The following STARD13 variants were observed in gnomAD, a reference collection of about 807,000 sequenced individuals.
STARD13 encodes StAR related lipid transfer domain containing 13, also known as stAR-related lipid transfer protein 13.
A neutral mutation model predicts 106.4 loss-of-function variants in STARD13; 62 were observed. That is an observed-to-expected ratio of 0.58 (90% CI 0.48 to 0.72). STARD13 has a LOEUF of 0.72. Among genes scored for constraint, STARD13 ranks in the 30% least tolerant of loss-of-function variants. STARD13 has a pLI of 0.00. For missense variants in STARD13, 1,387 were observed against 1,424.0 expected, an observed-to-expected ratio of 0.97 and a Z score of 0.42; for synonymous variants, 565 against 553.0, an observed-to-expected ratio of 1.02 and a Z score of -0.31.
At chr13:33,432,196 G>C in the STARD13 span, among the ~76,000 whole-genome samples, 10 of 152,124 alleles carry the variant, frequency 6.6e-5, no homozygotes, top group Non-Finnish European at 1.5e-4. Flanking sequence ...GAGGAGAAAA[G>C]AGGACCCACA....
chr13:33,190,013 T>C (rs769343585), intron 1 of STARD13, among the ~76,000 whole-genome samples: 2 of 152,098 alleles, frequency 1.3e-5, no homozygotes, highest in African/African-American at 2.4e-5. Flanking sequence ...AACAACTTTC[T>C]CATTATACTA....
the STARD13 span, among the ~76,000 whole-genome samples, chr13:33,546,623 T>C: frequency 6.6e-6 from 1 of 151,956 alleles, no homozygotes; most frequent in South Asian, 2.1e-4. Flanking sequence ...ATGAGCTAAA[T>C]TTATTTATTA....
chr13:33,560,337 A>G, the STARD13 span, among the ~76,000 whole-genome samples: 2 of 151,670 alleles, frequency 1.3e-5, no homozygotes, highest in African/African-American at 2.4e-5. Context: ...AAAAAGTTAA[A>G]CTGTCCTTAT....
chr13:33,602,342 T>C, the STARD13 span, among the ~76,000 whole-genome samples: 2,411 of 152,236 alleles, frequency 0.016, 78 homozygotes, highest in African/African-American at 0.055. Context: ...CCGCCTGCCT[T>C]GGCCTCCCAA....
chr13:33,106,444 ACT>A (rs1444348878), intron 13 of STARD13, among the ~76,000 whole-genome samples: 4 of 152,218 alleles, frequency 2.6e-5, no homozygotes, highest in African/African-American at 9.6e-5. Context: ...AGAGAGGGAA[ACT>A]CTGATTTACT....
At chr13:33,600,908 C>T in the STARD13 span, among the ~76,000 whole-genome samples, 2 of 152,114 alleles carry the variant, frequency 1.3e-5, no homozygotes, top group Non-Finnish European at 2.9e-5. Context: ...TGTTTGCTAT[C>T]TTCTCCTACG....
At chr13:33,108,263 G>A (rs1023607866) in intron 12 of STARD13, among the ~76,000 whole-genome samples, 17 of 152,238 alleles carry the variant, frequency 1.1e-4, no homozygotes, top group South Asian at 4.2e-4. Flanking sequence ...TCTCAGCCCC[G>A]TGCCTCCTCA....
chr13:33,672,390 G>T, the STARD13 span, among the ~76,000 whole-genome samples: 1 of 152,110 alleles, frequency 6.6e-6, no homozygotes, highest in Non-Finnish European at 1.5e-5. Context: ...GGGAGGGAGA[G>T]CATTAGGACA....
chr13:33,582,310 G>A, the STARD13 span, among the ~76,000 whole-genome samples: 3 of 152,166 alleles, frequency 2.0e-5, no homozygotes, highest in East Asian at 5.8e-4. Context: ...ATGCAAACTG[G>A]GAATGTTTCT....
intron 1 of STARD13, among the ~76,000 whole-genome samples, chr13:33,198,325 C>G (rs188253845): frequency 9.9e-5 from 15 of 152,244 alleles, no homozygotes; most frequent in Admixed American, 5.2e-4. Context: ...CTTCTGCCCA[C>G]ACTGCCCAAC....
the STARD13 span, among the ~76,000 whole-genome samples, chr13:33,607,256 G>C: frequency 4.7e-5 from 7 of 150,404 alleles, no homozygotes; most frequent in Non-Finnish European, 1.0e-4. Context: ...AAAACATGGT[G>C]TTTAAGATTA....
At chr13:33,247,814 A>G (rs1486048144) in intron 1 of STARD13, among the ~76,000 whole-genome samples, 2 of 152,124 alleles carry the variant, frequency 1.3e-5, no homozygotes, top group Non-Finnish European at 2.9e-5. Context: ...TGAGATGCTT[A>G]CAAAATAGTG....
At chr13:33,386,523 T>A in the STARD13 span, among the ~76,000 whole-genome samples, 1 of 151,988 alleles carries the variant, frequency 6.6e-6, no homozygotes, top group Non-Finnish European at 1.5e-5. Flanking sequence ...GCCTCCCCCA[T>A]CCAGGTCCCA....
chr13:33,674,310 A>G, the STARD13 span, among the ~76,000 whole-genome samples: 1 of 152,228 alleles, frequency 6.6e-6, no homozygotes, highest in Non-Finnish European at 1.5e-5. Context: ...TTCAAATGGG[A>G]CATGAAATCA....
chr13:33,661,515 ATTAAGAAAAGAGGT>A, the STARD13 span, among the ~76,000 whole-genome samples: 1 of 152,230 alleles, frequency 6.6e-6, no homozygotes, highest in East Asian at 1.9e-4. Context: ...AAACTGGGTA[ATTAAGAAAAGAGGT>A]TTAACTGACT....
the STARD13 span, among the ~76,000 whole-genome samples, chr13:33,612,767 T>C: frequency 6.6e-6 from 1 of 152,204 alleles, no homozygotes; most frequent in Non-Finnish European, 1.5e-5. Context: ...TTTAATGTGT[T>C]GCAGAAAATA....
Position 33,109,696 on chromosome 13 carries a change from C to T in STARD13, c.3047+177G>A, listed in dbSNP as rs745601493. Among the ~76,000 whole-genome samples the T allele has an allele frequency of 3.3e-5, 5 of 152,192 alleles. No individual in the cohort carries two copies. In the East Asian group the frequency reaches 9.6e-4, roughly 29 times the overall value. ...CAGAGCTGTAGGCTGGGTGAAAAGA[C>T]ACAGGAAGTCGGGCATCGACACAGA... On this transcript the variant is annotated intron_variant, in intron 12 of 13. Coordinates refer to ENST00000336934, the MANE Select transcript of STARD13 (RefSeq NM_178006.4).
At chr13:33,181,197 C>G (rs981597563) in intron 1 of STARD13, among the ~76,000 whole-genome samples, 1 of 152,086 alleles carries the variant, frequency 6.6e-6, no homozygotes, top group African/African-American at 2.4e-5. Flanking sequence ...CTCTGTCTCC[C>G]GTGGGCTATC....
chr13:33,562,999 A>C, the STARD13 span, among the ~76,000 whole-genome samples: 1 of 146,876 alleles, frequency 6.8e-6, no homozygotes, highest in South Asian at 2.1e-4. Flanking sequence ...GCTTTTGGCC[A>C]CAAATGATAT....
Sources: gnomAD v4.1 joint callset for allele counts (sites outside exome capture counted in the v4.1 genomes callset) on GRCh38, gnomAD v4.1.1 for gene constraint, MANE v1.5 for transcripts, NCBI Gene and HGNC (gene_info 2026-07-23, HGNC 2026-07-21) for gene names.